CREM: variants seen among roughly 807,000 people sequenced by gnomAD.
The protein encoded by CREM is cAMP responsive element modulator, also known as cAMP-responsive element modulator.
CREM carries 13 observed loss-of-function variants against 37.3 expected under a neutral mutation model. The ratio of observed to expected loss-of-function variants is 0.35; its 90% CI spans 0.23 to 0.55. The LOEUF (loss-of-function observed/expected upper bound fraction) is 0.55, where lower values mean the gene tolerates loss of function less well. Ranked by LOEUF, CREM falls within the 20% of genes least tolerant of loss-of-function variation. CREM has a pLI of 0.88. For missense variants in CREM, 296 were observed against 362.3 expected (o/e 0.82, Z 1.49); for synonymous variants, 124 against 120.2 (o/e 1.03, Z -0.21).
Position 35,148,432 on chromosome 10 carries a change from A to G in CREM, c.109A>G (p.Ser37Gly). 6.2e-7 allele frequency: 1 copy of G among 1,613,864 alleles called. No homozygotes were observed. Among genetic ancestry groups the G allele is most frequent in the Non-Finnish European group, 8.5e-7 (1 of 1,179,878 alleles). ...DGSITASLTE[S>G]KSAHVQTQTG... ...AAGTATAACAGCTTCTTTGACAGAGAGCAAGTCTGCTCATGTGCAGACTCA... is the reference window on the plus strand; with the variant it reads ...AAGTATAACAGCTTCTTTGACAGAGGGCAAGTCTGCTCATGTGCAGACTCA... Residue 37 changes from serine to glycine, a missense_variant, in exon 3 of 8, where the codon AGC becomes GGC. This residue lies in a region of CREM where 257 missense variants were observed against 280.2 expected (regional missense o/e 0.92). Coordinates refer to ENST00000685392, the MANE Select transcript of CREM (RefSeq NM_183011.2).
At position 35,188,404 on chromosome 10, in the gene CREM, C is replaced by G. The variant is rs2094746961; in HGVS notation, c.598+16C>G. The G allele has an allele frequency of 6.3e-7, 1 of 1,595,764 alleles. No individual in the cohort carries two copies. The highest frequency in any genetic ancestry group is 1.1e-5 in the South Asian group (1 of 88,108). On this transcript the variant is annotated intron_variant, in intron 6 of 7. Transcript: ENST00000685392. ...GTTGTTCAAGGTATATTTTATTAAT[C>G]TAATACATTTAGAATACCTATGGAT...
At position 35,210,075 on chromosome 10, in the gene CREM, A is replaced by G. The variant is rs546879018; in HGVS notation, c.756-1179A>G. 3.0e-4 allele frequency among the ~76,000 whole-genome samples: 45 copies of G among 152,256 alleles called. 1 individual carries two copies. The East Asian group carries it at 8.3e-3, about 28-fold the overall frequency. On this transcript the variant is annotated intron_variant, in intron 7 of 7. Transcript: ENST00000685392. ...GAGAGTCAGCTATCTTAAAAAAAAA[A>G]AAAAAATCATGTATACATCACATGT...
At chr10:35,165,241 G>T (rs758911505) in intron 3 of CREM, among the ~76,000 whole-genome samples, 22 of 151,854 alleles carry the variant, frequency 1.4e-4, no homozygotes, top group Non-Finnish European at 2.6e-4. Context: ...GGGGAGCCAG[G>T]GTATCACATG....
chr10:35,192,291 A>T (rs1163968320), intron 6 of CREM, among the ~76,000 whole-genome samples: 1 of 152,178 alleles, frequency 6.6e-6, no homozygotes, highest in Non-Finnish European at 1.5e-5. Flanking sequence ...AGTTCTTAAA[A>T]ACAGCAGTTT....
chr10:35,185,747 T>TA (rs1467638799), intron 5 of CREM, among the ~76,000 whole-genome samples: 2 of 152,228 alleles, frequency 1.3e-5, no homozygotes, highest in African/African-American at 4.8e-5. Flanking sequence ...AAAGTGCTGT[T>TA]ACATCAGGGT....
intron 1 of CREM, among the ~76,000 whole-genome samples, chr10:35,127,831 G>C (rs1012167415): frequency 6.6e-6 from 1 of 151,372 alleles, no homozygotes; most frequent in Admixed American, 6.6e-5. Context: ...TGAATCTGGG[G>C]AATAAACACA....
chr10:35,201,367 G>T, intron 6 of CREM: 3 of 1,459,522 alleles, frequency 2.1e-6, no homozygotes, highest in Non-Finnish European at 2.8e-6. Flanking sequence ...CCTGCCATGT[G>T]CCAGGCACTG....
At chr10:35,152,083 A>G (rs2092636295) in intron 3 of CREM, among the ~76,000 whole-genome samples, 1 of 152,222 alleles carries the variant, frequency 6.6e-6, no homozygotes, top group African/African-American at 2.4e-5. Context: ...TGAGGATTGT[A>G]AATTTCCATA....
intron 6 of CREM, among the ~76,000 whole-genome samples, chr10:35,190,848 G>A (rs1014048197): frequency 6.6e-6 from 1 of 151,910 alleles, no homozygotes; most frequent in African/African-American, 2.4e-5. Context: ...ATTTTTAGTA[G>A]ATACAGGGTT....
intron 1 of CREM, among the ~76,000 whole-genome samples, chr10:35,135,934 C>G (rs996244063): frequency 6.6e-6 from 1 of 152,026 alleles, no homozygotes; most frequent in African/African-American, 2.4e-5. Flanking sequence ...AGCAGGCAAG[C>G]GTTCATTGGT....
chr10:35,198,102 C>T (rs187780728), intron 6 of CREM, among the ~76,000 whole-genome samples: 357 of 152,124 alleles, frequency 2.3e-3, no homozygotes, highest in Non-Finnish European at 3.8e-3. Flanking sequence ...CTTTTTGACC[C>T]ATTAATGGTC....
chr10:35,202,558 C>G (rs1311891022), intron 6 of CREM, among the ~76,000 whole-genome samples: 2 of 152,084 alleles, frequency 1.3e-5, no homozygotes, highest in African/African-American at 4.8e-5. Context: ...GCACAGCTGT[C>G]TTTGCCCATA....
At chr10:35,152,976 A>G (rs185088139) in intron 3 of CREM, among the ~76,000 whole-genome samples, 1 of 152,344 alleles carries the variant, frequency 6.6e-6, no homozygotes, top group African/African-American at 2.4e-5. Context: ...ATGGTGGCTC[A>G]TGCCTATAAT....
chr10:35,196,586 C>G (rs968581889), intron 6 of CREM: 4 of 153,098 alleles, frequency 2.6e-5, no homozygotes, highest in Non-Finnish European at 5.8e-5. Flanking sequence ...TCTTGAGGAA[C>G]TATTTTTTTC....
intron 3 of CREM, among the ~76,000 whole-genome samples, chr10:35,160,290 TA>T (rs2093207746): frequency 6.6e-6 from 1 of 152,208 alleles, no homozygotes; most frequent in Admixed American, 6.5e-5. Flanking sequence ...GGCACATCTG[TA>T]TAGGGCACAA....
At chr10:35,138,212 G>T (rs971287733) in intron 2 of CREM, among the ~76,000 whole-genome samples, 1 of 152,162 alleles carries the variant, frequency 6.6e-6, no homozygotes, top group South Asian at 2.1e-4. Flanking sequence ...CGGCCTTTCG[G>T]CCATACTTGT....
intron 5 of CREM, among the ~76,000 whole-genome samples, chr10:35,185,158 A>C (rs1030788674): frequency 2.0e-5 from 3 of 147,066 alleles, no homozygotes; most frequent in Non-Finnish European, 3.0e-5. Context: ...GCTGGTGTGC[A>C]ATGGTGCAAT....
In CREM at chr10:35,188,366, A is replaced by T. The variant is rs1414855333; in HGVS notation, c.576A>T (p.Pro192=). Residue 192 remains proline (P), a synonymous_variant, in exon 6 of 8, where the codon CCA becomes CCT. Coordinates refer to ENST00000685392, the MANE Select transcript of CREM (RefSeq NM_183011.2). ...SADGTQQFFV[P]GSQVVVQAAT... ...ATGGCACACAGCAGTTCTTTGTCCC[A>T]GGCAGCCAGGTTGTTGTTCAAGGTA... 1 of 1,612,048 alleles carries T rather than the reference A, an allele frequency of 6.2e-7. No individual in the cohort carries two copies. Among genetic ancestry groups the T allele is most frequent in the Non-Finnish European group, 8.5e-7 (1 of 1,179,258 alleles).
intron 6 of CREM, among the ~76,000 whole-genome samples, chr10:35,202,890 G>A (rs533440427): frequency 6.6e-6 from 1 of 152,150 alleles, no homozygotes; most frequent in East Asian, 1.9e-4. Context: ...CTGAGCTATC[G>A]CTCAAAATGT....
Sources: gnomAD v4.1 joint callset for allele counts (sites outside exome capture counted in the v4.1 genomes callset) on GRCh38, gnomAD v4.1.1 for gene constraint, gnomAD v4.1.1 regional missense constraint, MANE v1.5 for transcripts, NCBI Gene and HGNC (gene_info 2026-07-23, HGNC 2026-07-21) for gene names.